The following REEP3 variants were observed in gnomAD, a reference collection of about 807,000 sequenced individuals.
REEP3 encodes the protein receptor accessory protein 3.
In REEP3, 20 loss-of-function variants were observed where a neutral mutation model predicts 41.3. The ratio of observed to expected loss-of-function variants is 0.48; its 90% CI spans 0.34 to 0.70. The LOEUF is 0.70. Among genes scored for constraint, REEP3 ranks in the 30% least tolerant of loss-of-function variants. The pLI is 0.01. For synonymous variants in REEP3, 104 were observed against 101.8 expected (o/e 1.02, Z -0.13); for missense variants, 271 against 308.8 (o/e 0.88, Z 0.92).
At chr10:63,592,879 C>T (rs1477523052) in intron 2 of REEP3, among the ~76,000 whole-genome samples, 1 of 152,024 alleles carries the variant, frequency 6.6e-6, no homozygotes, top group Non-Finnish European at 1.5e-5. Context: ...GGCGACAGAG[C>T]AAGACTCTGT....
At chr10:63,539,254 T>TA (rs1955504144) in intron 1 of REEP3, among the ~76,000 whole-genome samples, 1 of 152,212 alleles carries the variant, frequency 6.6e-6, no homozygotes, top group Non-Finnish European at 1.5e-5. Flanking sequence ...TATAGGTTTA[T>TA]TAGGGTCTTA....
At chr10:63,604,779 T>G (rs12258858) in intron 5 of REEP3, among the ~76,000 whole-genome samples, 32,784 of 152,178 alleles carry the variant, frequency 0.22, 3,947 homozygotes, top group Non-Finnish European at 0.28. Context: ...ATCTGGATTT[T>G]TTTTAGTGCT....
chr10:63,579,779 G>A (rs1942165017), intron 2 of REEP3, among the ~76,000 whole-genome samples: 1 of 152,184 alleles, frequency 6.6e-6, no homozygotes, highest in Admixed American at 6.5e-5. Flanking sequence ...TCCATTAAAG[G>A]AAATGTTGCT....
intron 1 of REEP3, among the ~76,000 whole-genome samples, chr10:63,561,113 A>T (rs1292270815): frequency 6.6e-6 from 1 of 152,228 alleles, no homozygotes; most frequent in African/African-American, 2.4e-5. Context: ...TATTCTCTTT[A>T]ATACAGAAGT....
chr10:63,527,764 C>G (rs777551757), intron 1 of REEP3, among the ~76,000 whole-genome samples: 2 of 152,096 alleles, frequency 1.3e-5, no homozygotes, highest in Non-Finnish European at 2.9e-5. Context: ...TACTCTGGAA[C>G]CCATACGTTT....
At chr10:63,594,673 A>AT (rs982873432) in intron 2 of REEP3, 105 bp from the exon 3 acceptor site, 2 of 748,478 alleles carry the variant, frequency 2.7e-6, no homozygotes, top group African/African-American at 3.5e-5. Context: ...TACATACATA[A>AT]TATGAAATTA....
At chr10:63,567,764 G>T (rs535605971) in intron 2 of REEP3, among the ~76,000 whole-genome samples, 2 of 152,302 alleles carry the variant, frequency 1.3e-5, no homozygotes, top group African/African-American at 4.8e-5. Flanking sequence ...CAAATGAACA[G>T]AGATTAGATC....
intron 1 of REEP3, among the ~76,000 whole-genome samples, chr10:63,544,987 A>G (rs1044777726): frequency 6.6e-6 from 1 of 152,226 alleles, no homozygotes; most frequent in Non-Finnish European, 1.5e-5. Flanking sequence ...AGTGATTTCT[A>G]TGACCAGCAG....
chr10:63,558,269 A>C (rs1955708771), intron 1 of REEP3, among the ~76,000 whole-genome samples: 1 of 152,218 alleles, frequency 6.6e-6, no homozygotes, highest in Admixed American at 6.5e-5. Flanking sequence ...GTCCTTGGTT[A>C]GCGTGAGGTT....
At chr10:63,607,510 C>T (rs1956240008) in intron 5 of REEP3, among the ~76,000 whole-genome samples, 1 of 152,158 alleles carries the variant, frequency 6.6e-6, no homozygotes, top group African/African-American at 2.4e-5. Flanking sequence ...ATGGAGAAAC[C>T]TGTGGCCATA....
chr10:63,555,705 G>A (rs991000033), intron 1 of REEP3, among the ~76,000 whole-genome samples: 13 of 152,100 alleles, frequency 8.5e-5, no homozygotes, highest in African/African-American at 2.7e-4. Context: ...GTTAACCAAC[G>A]TACTGTACTG....
chr10:63,623,755 ATG>A lies in REEP3; in HGVS notation c.*2928_*2929del, dbSNP rs57254958. 9,354 of 142,252 alleles carry A rather than the reference ATG, an allele frequency of 0.066. 454 individuals carry two copies. The highest frequency in any genetic ancestry group is 0.14 in the African/African-American group (5,496 of 38,226). The allele number at this position is 142,252 out of a possible 1,614,324, so 8.8% of individuals were successfully genotyped here. ...CCCCCTCACATACTTCACAATATAT[ATG>A]TGTGTGTGTGTGTGTGTGTGTGTGT... On this transcript the variant is annotated 3_prime_UTR_variant, in exon 8 of 8. Coordinates refer to ENST00000373758, the MANE Select transcript of REEP3 (RefSeq NM_001001330.3).
Position 63,574,252 on chromosome 10 carries a change from A to C in REEP3, c.105+7842A>C, listed in dbSNP as rs1955878304. 2.0e-5 allele frequency among the ~76,000 whole-genome samples: 3 copies of C among 152,204 alleles called. No homozygotes were observed. The South Asian group carries it at 6.2e-4, about 31-fold the overall frequency. On this transcript the variant is annotated intron_variant, in intron 2 of 7. Transcript: ENST00000373758. ...TTACCCAATGCCACTATACACTTGC[A>C]TATTTCTCTGTTCTTATAGCTTCCC... is the stretch of plus-strand genomic sequence containing the variant.
intron 1 of REEP3, among the ~76,000 whole-genome samples, chr10:63,523,453 C>T (rs1432242020): frequency 6.6e-6 from 1 of 152,050 alleles, no homozygotes; most frequent in Non-Finnish European, 1.5e-5. Context: ...GGCAACATAG[C>T]GAGACCTTGT....
chr10:63,619,746 G>C lies in REEP3; in HGVS notation c.657G>C (p.Gly219=), dbSNP rs1368670091. ...YSDNEMLTHK[G]LRRSQSMKSV... is the part of the protein sequence containing the mutation. ...ATAATGAGATGTTAACACACAAAGGGCTTCGAAGATCGCAAAGCATGAAAT... is the reference window on the plus strand; with the variant it reads ...ATAATGAGATGTTAACACACAAAGGCCTTCGAAGATCGCAAAGCATGAAAT... Residue 219 remains glycine (G), a synonymous_variant, in exon 7 of 8, where the codon GGG becomes GGC. Transcript: ENST00000373758. 1 of 1,609,762 alleles carries C rather than the reference G, an allele frequency of 6.2e-7. No homozygotes were observed. Among genetic ancestry groups the C allele is most frequent in the South Asian group, 1.1e-5 (1 of 89,868 alleles).
chr10:63,562,347 T>A (rs995151027), intron 1 of REEP3, among the ~76,000 whole-genome samples: 3 of 147,962 alleles, frequency 2.0e-5, no homozygotes, highest in East Asian at 4.3e-4. Context: ...AGCCTCCACC[T>A]CCCAGGTTCC....
chr10:63,588,239 G>A (rs1956025898), intron 2 of REEP3, among the ~76,000 whole-genome samples: 1 of 152,104 alleles, frequency 6.6e-6, no homozygotes, highest in Non-Finnish European at 1.5e-5. Flanking sequence ...CAGAGGAAGA[G>A]GTATCCCTGC....
In REEP3 at chr10:63,564,641, G is replaced by A. The variant is rs1313635064; in HGVS notation, c.33-1697G>A. Among the ~76,000 whole-genome samples, 4 of 151,174 alleles carry A rather than the reference G, an allele frequency of 2.6e-5. No homozygotes were observed. In the East Asian group the frequency reaches 7.7e-4, roughly 29 times the overall value. On this transcript the variant is annotated intron_variant, in intron 1 of 7. Coordinates refer to ENST00000373758, the MANE Select transcript of REEP3 (RefSeq NM_001001330.3). ...GTCTCAGAAAAAAAAAAAGAAATGC[G>A]CATTAAAATAGCTATAAGGTTATTG...
intron 1 of REEP3, among the ~76,000 whole-genome samples, chr10:63,536,696 C>T (rs1029684929): frequency 6.6e-6 from 1 of 151,874 alleles, no homozygotes; most frequent in African/African-American, 2.4e-5. Flanking sequence ...GAAAAGTGGA[C>T]AAATGAACTG....
Sources: gnomAD v4.1 joint callset for allele counts (sites outside exome capture counted in the v4.1 genomes callset) on GRCh38, gnomAD v4.1.1 for gene constraint, MANE v1.5 for transcripts, NCBI Gene and HGNC (gene_info 2026-07-23, HGNC 2026-07-21) for gene names.